AAK1: variants seen among roughly 807,000 people sequenced by gnomAD.
The protein encoded by AAK1 is AP2 associated kinase 1, also known as AP2-associated protein kinase 1.
A neutral mutation model predicts 116.0 loss-of-function variants in AAK1; 37 were observed. That is an observed-to-expected ratio of 0.32 (90% CI 0.25 to 0.42). The LOEUF is 0.42. Among genes scored for constraint, AAK1 ranks in the 10% least tolerant of loss-of-function variants. The pLI is 1.00. For missense variants in AAK1, 919 were observed against 1,170.6 expected (o/e 0.79, Z 3.14); for synonymous variants, 458 against 439.9 (o/e 1.04, Z -0.51).
rs944249924 is a variant in AAK1 at position 69,465,854 on chromosome 2, G to A, written c.*10015C>T. 3 of 1,290,780 alleles carry A rather than the reference G, an allele frequency of 2.3e-6. No homozygotes were observed. The highest frequency in any genetic ancestry group is 3.0e-6 in the Non-Finnish European group (3 of 988,888). 80.0% of individuals were successfully genotyped at this position (1,290,780 alleles called of 1,614,324 possible). On this transcript the variant is annotated 3_prime_UTR_variant, in exon 22 of 22. Coordinates refer to ENST00000409085, the MANE Select transcript of AAK1 (RefSeq NM_014911.5). ...TGGAATACTGAGCTTGGACAGAGGT[G>A]TACACAGCTCTCTCACGGCCCGCGG...
intron 2 of AAK1, among the ~76,000 whole-genome samples, chr2:69,589,640 C>T (rs535141493): frequency 1.1e-4 from 15 of 140,292 alleles, no homozygotes; most frequent in African/African-American, 3.7e-4. Flanking sequence ...ACCCGGGAGG[C>T]GGAGGTTGCA....
In AAK1 at chr2:69,472,171, A is replaced by G; in HGVS notation, c.*3698T>C. 3 of 983,520 alleles carry G rather than the reference A, an allele frequency of 3.1e-6. No homozygotes were observed. The highest frequency in any genetic ancestry group is 3.6e-6 in the Non-Finnish European group (3 of 828,152). The allele number at this position is 983,520 out of a possible 1,614,324, so 60.9% of individuals were successfully genotyped here. A position where few individuals can be genotyped will look rare whatever the true frequency, so the allele number is the denominator to read the frequency against. On this transcript the variant is annotated 3_prime_UTR_variant, in exon 22 of 22. Coordinates refer to ENST00000409085, the MANE Select transcript of AAK1 (RefSeq NM_014911.5). ...GTCTTAATCATGTTCACTTTCTATTATAAGGTCCTCTCTGAGAATTTTTTG... is the reference window on the plus strand; with the variant it reads ...GTCTTAATCATGTTCACTTTCTATTGTAAGGTCCTCTCTGAGAATTTTTTG...
rs1437220686 is a variant in AAK1, at chr2:69,472,212, A to G, written c.*3657T>C. 5 of 957,482 alleles carry G rather than the reference A, an allele frequency of 5.2e-6. No individual in the cohort carries two copies. In the East Asian group the frequency reaches 4.6e-4, roughly 88 times the overall value. 59.3% of individuals were successfully genotyped at this position (957,482 alleles called of 1,614,324 possible). On this transcript the variant is annotated 3_prime_UTR_variant, in exon 22 of 22. Transcript: ENST00000409085. ...GAATTTTTTGTGGATTATCCTTTTT[A>G]CTGTCTTCAACAGTAACCACTCTTC...
chr2:69,541,509 G>T (rs1670721972), intron 5 of AAK1, among the ~76,000 whole-genome samples: 1 of 152,162 alleles, frequency 6.6e-6, no homozygotes, highest in Non-Finnish European at 1.5e-5. Context: ...TGGGATTATA[G>T]GCATGAGCCA....
At chr2:69,624,893 G>A (rs1674826540) in intron 2 of AAK1, among the ~76,000 whole-genome samples, 1 of 152,150 alleles carries the variant, frequency 6.6e-6, no homozygotes, top group Non-Finnish European at 1.5e-5. Context: ...GAATGTGTGG[G>A]GCAGAGACTG....
intron 5 of AAK1, among the ~76,000 whole-genome samples, chr2:69,539,041 G>A (rs1183512094): frequency 2.0e-5 from 3 of 152,182 alleles, no homozygotes; most frequent in Non-Finnish European, 4.4e-5. Context: ...CCTAGAGATT[G>A]ACAAGCACTC....
At chr2:69,641,225 C>T (rs1473590399) in intron 2 of AAK1, among the ~76,000 whole-genome samples, 2 of 152,166 alleles carry the variant, frequency 1.3e-5, no homozygotes, top group Non-Finnish European at 2.9e-5. Flanking sequence ...ACAAAACGCT[C>T]GTGGGCTATA....
intron 15 of AAK1, among the ~76,000 whole-genome samples, chr2:69,506,756 A>T (rs1676200087): frequency 6.6e-6 from 1 of 152,164 alleles, no homozygotes; most frequent in Admixed American, 6.6e-5. Context: ...TCATTCCTTT[A>T]TCCTGCGCCC....
At chr2:69,602,079 T>C (rs1558994484) in intron 2 of AAK1, among the ~76,000 whole-genome samples, 2 of 151,996 alleles carry the variant, frequency 1.3e-5, no homozygotes, top group Non-Finnish European at 2.9e-5. Flanking sequence ...TCAAAATCAC[T>C]CAAATTAAGG....
chr2:69,618,693 C>T (rs1427283774), intron 2 of AAK1, among the ~76,000 whole-genome samples: 1 of 151,454 alleles, frequency 6.6e-6, no homozygotes, highest in African/African-American at 2.4e-5. Flanking sequence ...ATCTTGGCTT[C>T]CCTCCACTGC....
Position 69,627,189 on chromosome 2 carries a change from T to C in AAK1, c.163+15689A>G, listed in dbSNP as rs376594042. On this transcript the variant is annotated intron_variant, in intron 2 of 21. Coordinates refer to ENST00000409085, the MANE Select transcript of AAK1 (RefSeq NM_014911.5). ...CTGTAGTCCCAGCTACTAGGAAGGC[T>C]GAGGCAGGAGAATCGCTTGAACCCA... Among the ~76,000 whole-genome samples, 7 of 151,400 alleles carry C rather than the reference T, an allele frequency of 4.6e-5. No individual in the cohort carries two copies. The South Asian group carries it at 8.3e-4, about 18-fold the overall frequency.
At chr2:69,566,793 G>A (rs958448198) in intron 2 of AAK1, among the ~76,000 whole-genome samples, 3 of 152,184 alleles carry the variant, frequency 2.0e-5, no homozygotes, top group South Asian at 2.1e-4. Context: ...ATATACCAGA[G>A]ACTTTTTGAT....
intron 12 of AAK1, among the ~76,000 whole-genome samples, chr2:69,517,951 C>A (rs966898837): frequency 2.0e-5 from 3 of 151,984 alleles, no homozygotes; most frequent in African/African-American, 2.4e-5. Context: ...AATAACGAGA[C>A]CCCCATTTCT....
chr2:69,492,468 C>A (rs1675562771), intron 17 of AAK1, among the ~76,000 whole-genome samples: 1 of 151,060 alleles, frequency 6.6e-6, no homozygotes, highest in African/African-American at 2.4e-5. Context: ...CCTGCCTCGG[C>A]CTCCCAGAGT....
intron 2 of AAK1, among the ~76,000 whole-genome samples, chr2:69,558,917 T>C (rs948619620): frequency 2.0e-4 from 31 of 152,212 alleles, no homozygotes; most frequent in African/African-American, 7.5e-4. Flanking sequence ...TATCTTTACA[T>C]AGTTATTCTT....
chr2:69,477,778 A>G (rs983297543), intron 20 of AAK1, among the ~76,000 whole-genome samples: 1 of 152,238 alleles, frequency 6.6e-6, no homozygotes, highest in Non-Finnish European at 1.5e-5. Flanking sequence ...GGTAAAAACA[A>G]AAACTCAGCT....
rs963466750 is a variant in AAK1 at position 69,484,889 on chromosome 2, T to C, written c.2366-2077A>G. ...GTCTCAAAAAAAAAAATAATAATAA[T>C]AAATAAAAACATAAAAAAAAGGAAG... On this transcript the variant is annotated intron_variant, in intron 17 of 21. Coordinates refer to ENST00000409085, the MANE Select transcript of AAK1 (RefSeq NM_014911.5). 1.4e-5 allele frequency among the ~76,000 whole-genome samples: 2 copies of C among 144,762 alleles called. 1 individual carries two copies. The highest frequency in any genetic ancestry group is 5.1e-5 in the African/African-American group (2 of 38,940). The allele number at this position is 144,762 out of a possible 152,430, so 95.0% of individuals were successfully genotyped here.
chr2:69,551,700 T>C (rs543773565), intron 3 of AAK1, among the ~76,000 whole-genome samples: 2 of 152,304 alleles, frequency 1.3e-5, no homozygotes, highest in South Asian at 4.1e-4. Context: ...GGTCTGAAGA[T>C]AATTAATCTT....
intron 16 of AAK1, among the ~76,000 whole-genome samples, chr2:69,498,803 A>C (rs962051115): frequency 2.6e-5 from 4 of 152,016 alleles, no homozygotes; most frequent in South Asian, 2.1e-4. Context: ...AGGCCCTTGA[A>C]ATGTGGGAAC....
Sources: allele counts gnomAD v4.1 joint callset (sites outside exome capture counted in the v4.1 genomes callset), GRCh38; gene constraint gnomAD v4.1.1; transcripts MANE v1.5; gene names NCBI Gene and HGNC (gene_info 2026-07-23, HGNC 2026-07-21).